PRR5: variants seen among roughly 807,000 people sequenced by gnomAD.
The protein encoded by PRR5 is proline-rich protein 5.
PRR5 carries 25 observed loss-of-function variants against 30.6 expected under a neutral mutation model. The ratio of observed to expected loss-of-function variants is 0.82; its 90% confidence interval spans 0.60 to 1.14. The LOEUF is 1.14. Ranked by LOEUF, PRR5 falls within the 50% of genes most tolerant of loss-of-function variation. The pLI is 0.00. For missense variants in PRR5, 600 were observed against 547.1 expected, an observed-to-expected ratio of 1.10 and a Z score of -0.96; for synonymous variants, 286 against 247.1, an observed-to-expected ratio of 1.16 and a Z score of -1.48.
chr22:44,714,425 C>T (rs544747061), intron 1 of PRR5, among the ~76,000 whole-genome samples, 166 bp from the exon 2 acceptor site: 156 of 152,202 alleles, frequency 1.0e-3, no homozygotes, highest in Admixed American at 1.7e-3. Flanking sequence ...CCAGCAGGGC[C>T]GGGCTGGGGG....
intron 1 of PRR5, among the ~76,000 whole-genome samples, chr22:44,704,865 C>G (rs544171384): frequency 6.6e-6 from 1 of 152,312 alleles, no homozygotes; most frequent in East Asian, 1.9e-4. Flanking sequence ...GGCAAACTGG[C>G]TTCACCAGCC....
intron 1 of PRR5, among the ~76,000 whole-genome samples, chr22:44,671,649 C>G (rs1010896829): frequency 2.0e-5 from 3 of 152,034 alleles, no homozygotes; most frequent in Non-Finnish European, 4.4e-5. Flanking sequence ...TGCCTAAGCT[C>G]CCTGAGCTTC....
chr22:44,709,207 G>A (rs1419609289), intron 1 of PRR5, among the ~76,000 whole-genome samples: 1 of 152,112 alleles, frequency 6.6e-6, no homozygotes, highest in African/African-American at 2.4e-5. Flanking sequence ...ACCCCTGCCT[G>A]CTTGCTCTGG....
intron 1 of PRR5, among the ~76,000 whole-genome samples, chr22:44,669,205 C>G (rs1029324871): frequency 2.6e-5 from 4 of 151,942 alleles, no homozygotes; most frequent in Non-Finnish European, 2.9e-5. Flanking sequence ...TCTCCTTCCC[C>G]GACACCGCTC....
At chr22:44,706,351 C>T (rs1244078279) in intron 1 of PRR5, among the ~76,000 whole-genome samples, 2 of 152,170 alleles carry the variant, frequency 1.3e-5, no homozygotes, top group Non-Finnish European at 2.9e-5. Context: ...GAACAGCCTC[C>T]TGGAGCTTAG....
At chr22:44,679,761 T>TCAGTCTGATGG in intron 1 of PRR5, 1 of 1,534,026 alleles carries the variant, frequency 6.5e-7, no homozygotes, top group Non-Finnish European at 8.9e-7. Context: ...TCTGGGACAC[T>TCAGTCTGATGG]CAGTCTGATG....
In PRR5 at chr22:44,726,649, C is replaced by T. The variant is rs762567771; in HGVS notation, c.322+15C>T. The T allele has an allele frequency of 5.0e-6, 8 of 1,613,886 alleles. No individual in the cohort carries two copies. Among genetic ancestry groups the T allele is most frequent in the Middle Eastern group, 1.6e-4 (1 of 6,084 alleles). Reference sequence around the variant, plus strand: ...CTTCTATGAGGGTGAGTGTGGGCCCCTTGGCGGCCACTCTGGGCCATGCTG... The same window carrying T: ...CTTCTATGAGGGTGAGTGTGGGCCCTTTGGCGGCCACTCTGGGCCATGCTG... On this transcript the variant is annotated intron_variant, in intron 4 of 7. Coordinates refer to ENST00000336985, the MANE Select transcript of PRR5 (RefSeq NM_181333.4).
chr22:44,674,830 C>A, upstream of PRR5, among the ~76,000 whole-genome samples: 1 of 152,112 alleles, frequency 6.6e-6, no homozygotes, highest in East Asian at 1.9e-4. Context: ...CCTGTAATCC[C>A]AGCTACTCAG....
chr22:44,687,605 C>T (rs895553953), intron 1 of PRR5, among the ~76,000 whole-genome samples: 1 of 152,204 alleles, frequency 6.6e-6, no homozygotes, highest in African/African-American at 2.4e-5. Context: ...ATTAAGGTTG[C>T]AGCTCCTCAA....
intron 1 of PRR5, among the ~76,000 whole-genome samples, chr22:44,712,194 C>T (rs975577863): frequency 3.9e-5 from 6 of 152,146 alleles, no homozygotes; most frequent in African/African-American, 9.7e-5. Context: ...GTAGAGAGCC[C>T]GTGTCCCCAG....
At chr22:44,711,690 C>T (rs947548908) in intron 1 of PRR5, among the ~76,000 whole-genome samples, 12 of 152,166 alleles carry the variant, frequency 7.9e-5, no homozygotes, top group Admixed American at 7.2e-4. Flanking sequence ...CTCCACCGTC[C>T]GCTGTAAGGG....
chr22:44,724,950 G>A lies in PRR5; in HGVS notation c.216-294G>A, dbSNP rs572601726. Among the ~76,000 whole-genome samples, 21 of 152,340 alleles carry A rather than the reference G, an allele frequency of 1.4e-4. No homozygotes were observed. In the South Asian group the frequency reaches 3.7e-3, roughly 27 times the overall value. On this transcript the variant is annotated intron_variant, in intron 2 of 7. Transcript: ENST00000336985. Reference sequence around the variant, plus strand: ...CCTGCCAGGTGTCTCTCCAGAAGGTGTGAGACGCAGAGGCCACTGTCTTCC... The same window carrying A: ...CCTGCCAGGTGTCTCTCCAGAAGGTATGAGACGCAGAGGCCACTGTCTTCC...
At chr22:44,730,955 G>T (rs568634103) in intron 4 of PRR5, 633 of 451,050 alleles carry the variant, frequency 1.4e-3, no homozygotes, top group Admixed American at 3.6e-3. Flanking sequence ...ATGGGCAGCT[G>T]TTTGGGGCTC....
chr22:44,697,073 G>A (rs573781689), intron 1 of PRR5, among the ~76,000 whole-genome samples: 1 of 152,282 alleles, frequency 6.6e-6, no homozygotes, highest in South Asian at 2.1e-4. Flanking sequence ...GCTAGGAAGG[G>A]ACGATGGGCT....
intron 1 of PRR5, among the ~76,000 whole-genome samples, chr22:44,692,776 C>G (rs1295763873): frequency 6.6e-6 from 1 of 152,228 alleles, no homozygotes; most frequent in Non-Finnish European, 1.5e-5. Context: ...CCTGAGGAGC[C>G]TCAGTCTGCA....
intron 4 of PRR5, among the ~76,000 whole-genome samples, chr22:44,726,953 C>G (rs992131071): frequency 1.3e-5 from 2 of 152,254 alleles, no homozygotes; most frequent in Admixed American, 6.5e-5. Context: ...TGGGAGAGCC[C>G]CTGTCCTGGT....
intron 7 of PRR5, 81 bp from the exon 8 acceptor site, chr22:44,736,691 A>G: frequency 2.0e-6 from 3 of 1,497,402 alleles, no homozygotes; most frequent in Middle Eastern, 2.6e-4. Context: ...ACAGGGACCC[A>G]GTGTGCAGTG....
chr22:44,696,721 GTATTTATT>G (rs56370664), intron 1 of PRR5, among the ~76,000 whole-genome samples: 16 of 148,034 alleles, frequency 1.1e-4, no homozygotes, highest in Admixed American at 2.7e-4. Context: ...ATGAACTTAC[GTATTTATT>G]TATTTATTTA....
Position 44,737,215 on chromosome 22 carries a change from G to C in PRR5, c.1135G>C (p.Glu379Gln). The change falls in exon 8 of 8, where the codon GAG becomes CAG. Residue 379 changes from glutamate (E) to glutamine (Q), a missense_variant. Coordinates refer to ENST00000336985, the MANE Select transcript of PRR5 (RefSeq NM_181333.4). ...CCGGGGCTCTGGCATGTCCGACTTG[G>C]AGGGCTCTGGGGGCCGGCAGAGTGT... ...RGRGSGMSDL[E>Q]GSGGRQSVV 3 of 1,608,288 alleles carry C rather than the reference G, an allele frequency of 1.9e-6. No individual in the cohort carries two copies. Among genetic ancestry groups the C allele is most frequent in the East Asian group, 4.5e-5 (2 of 44,732 alleles).
Sources: allele counts gnomAD v4.1 joint callset (sites outside exome capture counted in the v4.1 genomes callset), GRCh38; gene constraint gnomAD v4.1.1; transcripts MANE v1.5; gene names NCBI Gene and HGNC (gene_info 2026-07-23, HGNC 2026-07-21).